CLSTN2: variants seen among roughly 807,000 people sequenced by gnomAD.
The protein encoded by CLSTN2 is calsyntenin-2.
Under a neutral mutation model 101.2 loss-of-function variants are expected in CLSTN2, and 48 were observed. That is an observed-to-expected ratio of 0.47 (90% confidence interval 0.38 to 0.60). CLSTN2 has a LOEUF of 0.60. Among genes scored for constraint, CLSTN2 ranks in the 20% least tolerant of loss-of-function variants. CLSTN2 has a pLI of 0.00. For synonymous variants in CLSTN2, 481 were observed against 463.6 expected (o/e 1.04, Z -0.48); for missense variants, 1,160 against 1,238.2 (o/e 0.94, Z 0.95).
chr3:140,444,024 T>G (rs1933022021), intron 5 of CLSTN2, among the ~76,000 whole-genome samples: 4 of 152,220 alleles, frequency 2.6e-5, no homozygotes, highest in Admixed American at 2.6e-4. Context: ...CTTCTTGATC[T>G]TTTGCCAACA....
chr3:140,316,228 C>T (rs187623573), intron 2 of CLSTN2, among the ~76,000 whole-genome samples: 1 of 152,232 alleles, frequency 6.6e-6, no homozygotes, highest in Non-Finnish European at 1.5e-5. Flanking sequence ...GAAGCCAGCA[C>T]AGGAGGCTGG....
intron 1 of CLSTN2, among the ~76,000 whole-genome samples, chr3:140,007,274 G>A (rs2006977095): frequency 6.6e-6 from 1 of 152,222 alleles, no homozygotes; most frequent in Non-Finnish European, 1.5e-5. Flanking sequence ...ACAGATCTGA[G>A]TTGAGACTGA....
At chr3:140,160,041 TA>T (rs936832672) in intron 1 of CLSTN2, among the ~76,000 whole-genome samples, 2 of 151,886 alleles carry the variant, frequency 1.3e-5, no homozygotes, top group Non-Finnish European at 1.5e-5. Flanking sequence ...GGGTGTATGT[TA>T]AAAAAACTTC....
At chr3:140,410,078 T>G (rs1217847279) in intron 4 of CLSTN2, among the ~76,000 whole-genome samples, 1 of 152,102 alleles carries the variant, frequency 6.6e-6, no homozygotes, top group Non-Finnish European at 1.5e-5. Context: ...GAGCTTATAT[T>G]CATGTTTTGG....
chr3:140,400,496 C>T (rs540520432), intron 2 of CLSTN2, among the ~76,000 whole-genome samples: 6 of 152,152 alleles, frequency 3.9e-5, no homozygotes, highest in African/African-American at 1.4e-4. Flanking sequence ...GTCAGGAGTT[C>T]GAGACCAGCT....
At chr3:140,268,111 C>T (rs534155103) in intron 2 of CLSTN2, among the ~76,000 whole-genome samples, 1 of 152,240 alleles carries the variant, frequency 6.6e-6, no homozygotes, top group East Asian at 1.9e-4. Flanking sequence ...TCGGGGTGAA[C>T]CGCTGGCTGC....
intron 2 of CLSTN2, among the ~76,000 whole-genome samples, chr3:140,375,529 T>C (rs569539432): frequency 1.3e-5 from 2 of 152,338 alleles, no homozygotes; most frequent in East Asian, 3.9e-4. Context: ...ATTACCCTAG[T>C]TTTATACTTT....
intron 8 of CLSTN2, among the ~76,000 whole-genome samples, chr3:140,486,179 C>T (rs1436014769): frequency 6.6e-6 from 1 of 151,926 alleles, no homozygotes; most frequent in Non-Finnish European, 1.5e-5. Flanking sequence ...CAACATTTTA[C>T]TGAAAACTTT....
intron 4 of CLSTN2, among the ~76,000 whole-genome samples, chr3:140,413,879 T>C (rs1176395912): frequency 2.0e-5 from 3 of 152,064 alleles, no homozygotes; most frequent in Non-Finnish European, 4.4e-5. Context: ...CAACAAATAA[T>C]GTATAGAAGG....
At chr3:140,395,790 G>C (rs1396808520) in intron 2 of CLSTN2, among the ~76,000 whole-genome samples, 1 of 152,176 alleles carries the variant, frequency 6.6e-6, no homozygotes, top group African/African-American at 2.4e-5. Context: ...CCCATGTAGA[G>C]AGGGACTTTA....
At chr3:139,970,756 T>G (rs1360397089) in intron 1 of CLSTN2, among the ~76,000 whole-genome samples, 1 of 152,206 alleles carries the variant, frequency 6.6e-6, no homozygotes, top group African/African-American at 2.4e-5. Context: ...GAAATTGTTG[T>G]TTCCAAGGGT....
intron 2 of CLSTN2, among the ~76,000 whole-genome samples, chr3:140,272,478 G>A (rs557544137): frequency 6.6e-6 from 1 of 152,320 alleles, no homozygotes; most frequent in East Asian, 1.9e-4. Context: ...GGTCGGGTGT[G>A]GTGGCCCATG....
intron 2 of CLSTN2, among the ~76,000 whole-genome samples, chr3:140,357,248 C>T (rs2087680716): frequency 6.6e-6 from 1 of 152,146 alleles, no homozygotes; most frequent in Non-Finnish European, 1.5e-5. Context: ...CAATTATATT[C>T]ATTATAGCCC....
chr3:140,501,989 C>G (rs1443060391), intron 8 of CLSTN2, among the ~76,000 whole-genome samples: 1 of 152,170 alleles, frequency 6.6e-6, no homozygotes. Context: ...GTTATTCCAC[C>G]TCTCTGAGCT....
At chr3:140,131,049 A>G (rs2107804100) in intron 1 of CLSTN2, among the ~76,000 whole-genome samples, 1 of 152,188 alleles carries the variant, frequency 6.6e-6, no homozygotes, top group South Asian at 2.1e-4. Flanking sequence ...ATTGAAGATG[A>G]TCCTTCAATG....
rs114805022 is a variant in CLSTN2 at position 140,248,730 on chromosome 3, C to T, written c.232+72657C>T. 7.4e-3 allele frequency among the ~76,000 whole-genome samples: 1,131 copies of T among 152,240 alleles called. 6 individuals carry two copies. Among genetic ancestry groups the T allele is most frequent in the Middle Eastern group, 0.017 (5 of 292 alleles). On this transcript the variant is annotated intron_variant, in intron 2 of 16. Transcript: ENST00000458420. ...AATGAAGGGTCCTTATAGAATTCCT[C>T]CAGTTGAGTGCTTTCATAATATGTT...
At chr3:140,365,221 T>C (rs1022044078) in intron 2 of CLSTN2, among the ~76,000 whole-genome samples, 1 of 152,122 alleles carries the variant, frequency 6.6e-6, no homozygotes, top group African/African-American at 2.4e-5. Flanking sequence ...AACAAACTCA[T>C]GTACAAATGC....
At chr3:140,222,874 G>GAA (rs3035937) in intron 2 of CLSTN2, among the ~76,000 whole-genome samples, 105,018 of 143,112 alleles carry the variant, frequency 0.73, 42,286 homozygotes, top group Non-Finnish European at 0.89. Flanking sequence ...AAAATTTTAA[G>GAA]AAAAAAAAAA....
chr3:140,531,849 G>A (rs1397097948), intron 8 of CLSTN2, among the ~76,000 whole-genome samples: 2 of 152,168 alleles, frequency 1.3e-5, no homozygotes, highest in African/African-American at 4.8e-5. Context: ...AGAACAGAGG[G>A]TTTGGGGATT....
Sources: allele counts gnomAD v4.1 joint callset (sites outside exome capture counted in the v4.1 genomes callset), GRCh38; gene constraint gnomAD v4.1.1; transcripts MANE v1.5; gene names NCBI Gene and HGNC (gene_info 2026-07-23, HGNC 2026-07-21).